TFIP11: variants seen among roughly 807,000 people sequenced by gnomAD.
TFIP11 encodes the protein tuftelin-interacting protein 11.
TFIP11 carries 86 observed loss-of-function variants against 96.8 expected under a neutral mutation model. The ratio of observed to expected loss-of-function variants is 0.89; its 90% CI spans 0.75 to 1.06. The LOEUF (loss-of-function observed/expected upper bound fraction) is 1.06. Among genes scored for constraint, TFIP11 ranks in the 50% least tolerant of loss-of-function variants. The pLI is 0.00. For synonymous variants in TFIP11, 405 were observed against 395.2 expected (o/e 1.02, Z -0.29); for missense variants, 881 against 1,076.7 (o/e 0.82, Z 2.54).
At chr22:26,496,345 T>C in intron 11 of TFIP11, 29 bp from the exon 12 acceptor site, 1 of 1,567,478 alleles carries the variant, frequency 6.4e-7, no homozygotes. Context: ...AAACAGTTCA[T>C]GTCGCCTGTG....
intron 12 of TFIP11, 71 bp downstream of exon 12, chr22:26,495,999 AATC>A: frequency 6.4e-7 from 1 of 1,555,314 alleles, no homozygotes; most frequent in Non-Finnish European, 8.7e-7. Flanking sequence ...CGATGCTTTA[AATC>A]ATCACTGCTA....
chr22:26,496,004 TC>T, intron 12 of TFIP11, 68 bp downstream of exon 12: 9 of 1,563,178 alleles, frequency 5.8e-6, no homozygotes, highest in Non-Finnish European at 6.9e-6. Flanking sequence ...CTTTAAATCA[TC>T]ACTGCTAACC....
In TFIP11 at chr22:26,496,095, G is replaced by A. The variant is rs771104140; in HGVS notation, c.1827C>T (p.Val609=). ...TACCCAGCTTGGGCACTATGTTTTT[G>A]ACCATGAATGCTTCCCAGGAGCCAG... ...FTPGSWEAFM[V]KNIVPKLGMC... is the part of the protein sequence containing the mutation. The change falls in exon 12 of 15, where the codon GTC becomes GTT. Residue 609 remains valine (V), a synonymous_variant. Transcript: ENST00000407690. 6.2e-7 allele frequency: 1 copy of A among 1,613,600 alleles called. No individual in the cohort carries two copies. The highest frequency in any genetic ancestry group is 1.3e-5 in the African/African-American group (1 of 74,902).
In TFIP11 at chr22:26,496,705, A is replaced by G. The variant is rs758992071; in HGVS notation, c.1605+16T>C. ...TGATTAGTGATGACGACTGTTTCCC[A>G]TGACTCTCATCCCACCTCCTTTTGC... On this transcript the variant is annotated intron_variant, in intron 11 of 14. Transcript: ENST00000407690. The G allele has an allele frequency of 6.2e-6, 10 of 1,611,830 alleles. No individual in the cohort carries two copies. In the Admixed American group the frequency reaches 1.3e-4, roughly 22 times the overall value.
At chr22:26,505,415 T>C (rs944705301) in intron 6 of TFIP11, among the ~76,000 whole-genome samples, 1 of 152,214 alleles carries the variant, frequency 6.6e-6, no homozygotes, top group Non-Finnish European at 1.5e-5. Context: ...GTTTTACTGA[T>C]ATTCCTGAAG....
intron 6 of TFIP11, among the ~76,000 whole-genome samples, chr22:26,504,247 T>G (rs1014099690): frequency 3.3e-5 from 5 of 152,258 alleles, no homozygotes; most frequent in African/African-American, 1.2e-4. Flanking sequence ...AGTTCCTATC[T>G]CCTGTGTTTA....
intron 12 of TFIP11, 113 bp from the exon 13 acceptor site, chr22:26,495,052 C>T: frequency 7.0e-7 from 1 of 1,433,804 alleles, no homozygotes; most frequent in Admixed American, 2.0e-5. Flanking sequence ...ACCTCCGCCT[C>T]CCGGGTTCAA....
intron 4 of TFIP11, among the ~76,000 whole-genome samples, chr22:26,509,199 C>T (rs1399019068): frequency 1.3e-5 from 2 of 152,170 alleles, no homozygotes; most frequent in Non-Finnish European, 2.9e-5. Flanking sequence ...TACCCTTCCC[C>T]CTCTCTGCTC....
At position 26,501,935 on chromosome 22, in the gene TFIP11, GCTT is replaced by G. The variant is rs1922846530; in HGVS notation, c.763_765del (p.Lys255del). ...GAAAGTTCCTTCTGGGGAGCAGTGA[GCTT>G]CTTGCTAATCCTGCCCTTGGCCTTC... On this transcript the variant is annotated inframe_deletion, in exon 8 of 15. Transcript: ENST00000407690. 1.9e-6 allele frequency: 3 copies of G among 1,613,706 alleles called. No homozygotes were observed. The highest frequency in any genetic ancestry group is 1.7e-5 in the Admixed American group (1 of 59,968).
chr22:26,492,071 T>G lies in TFIP11; in HGVS notation c.2456A>C (p.Gln819Pro), dbSNP rs1394284432. The G allele has an allele frequency of 1.9e-6, 3 of 1,612,532 alleles. No homozygotes were observed. The highest frequency in any genetic ancestry group is 2.5e-6 in the Non-Finnish European group (3 of 1,179,378). The change falls in exon 15 of 15, where the codon CAG becomes CCG. Residue 819 changes from glutamine to proline, a missense_variant. By Grantham distance (76) the Gln-to-Pro change is moderately conservative (BLOSUM62 -1). Coordinates refer to ENST00000407690, the MANE Select transcript of TFIP11 (RefSeq NM_012143.4). ...IYIDRGVVFVQGEKTWVPTSL... is the reference protein window; with the variant it reads ...IYIDRGVVFVPGEKTWVPTSL... ...GGTGGGCACCCACGTCTTCTCGCCC[T>G]GGACAAAGACCACTCCCCGGTCGAT...
chr22:26,507,381 T>C (rs1262703526), intron 4 of TFIP11, among the ~76,000 whole-genome samples: 2 of 152,022 alleles, frequency 1.3e-5, no homozygotes, highest in Non-Finnish European at 2.9e-5. Context: ...TAATCAAACT[T>C]AGAAAAAGCT....
chr22:26,494,422 G>T (rs770375094), intron 13 of TFIP11, 118 bp from the exon 14 acceptor site: 1 of 1,204,206 alleles, frequency 8.3e-7, no homozygotes, highest in Non-Finnish European at 1.2e-6. Flanking sequence ...CTACTTTACA[G>T]GGATTTATAG....
intron 14 of TFIP11, 180 bp from the exon 15 acceptor site, chr22:26,492,548 C>A: frequency 1.7e-6 from 1 of 605,524 alleles, no homozygotes; most frequent in Non-Finnish European, 2.9e-6. Context: ...CACATAAAAA[C>A]TGTTCAGAAG....
At chr22:26,510,729 T>C (rs1282004537) in intron 2 of TFIP11, 27 bp from the exon 3 acceptor site, 1 of 156,482 alleles carries the variant, frequency 6.4e-6, no homozygotes, top group Non-Finnish European at 1.4e-5. Context: ...TTTTAGAATA[T>C]GCTTTTTGAA....
intron 5 of TFIP11, 135 bp downstream of exon 5, chr22:26,506,640 T>G: frequency 7.4e-7 from 1 of 1,353,848 alleles, no homozygotes; most frequent in Non-Finnish European, 1.0e-6. Context: ...ACTTCACAAC[T>G]CACAGAAACC....
chr22:26,499,030 C>T, intron 9 of TFIP11, 55 bp from the exon 10 acceptor site: 2 of 1,610,422 alleles, frequency 1.2e-6, no homozygotes, highest in Non-Finnish European at 1.7e-6. Flanking sequence ...CCTCCCTGCC[C>T]ATTGAACCAA....
rs1921239719 is a variant in TFIP11, at chr22:26,491,924, C to T, written c.*89G>A. On this transcript the variant is annotated 3_prime_UTR_variant, in exon 15 of 15. Transcript: ENST00000407690. ...GAGTAGCTCCTGAGTAAAGAAGTTA[C>T]CCTTTTGAAGGTGATCTAAAAATAC... 7.6e-7 allele frequency: 1 copy of T among 1,314,956 alleles called. No homozygotes were observed. The highest frequency in any genetic ancestry group is 1.4e-5 in the South Asian group (1 of 69,720). The allele number at this position is 1,314,956 out of a possible 1,614,324, so 81.5% of individuals were successfully genotyped here. A position where few individuals can be genotyped will look rare whatever the true frequency, so the allele number is the denominator to read the frequency against.
chr22:26,506,682 T>C (rs2147145507), intron 5 of TFIP11, 93 bp downstream of exon 5: 1 of 1,520,898 alleles, frequency 6.6e-7, no homozygotes, highest in Non-Finnish European at 9.0e-7. Context: ...ACGAAATTCA[T>C]TCCAGATGAG....
At chr22:26,495,680 A>ATG (rs1365917823) in intron 12 of TFIP11, among the ~76,000 whole-genome samples, 2 of 146,942 alleles carry the variant, frequency 1.4e-5, no homozygotes, top group Admixed American at 6.8e-5. Context: ...ATATATACAT[A>ATG]TATGTGTGTG....
Sources: allele counts gnomAD v4.1 joint callset (sites outside exome capture counted in the v4.1 genomes callset), GRCh38; gene constraint gnomAD v4.1.1; transcripts MANE v1.5; gene names NCBI Gene and HGNC (gene_info 2026-07-23, HGNC 2026-07-21).